The following PTPRN2 variants were observed in gnomAD, a reference collection of about 807,000 sequenced individuals.
PTPRN2 encodes protein tyrosine phosphatase receptor type N2.
In PTPRN2, 74 loss-of-function variants were observed where a neutral mutation model predicts 118.8. The observed-to-expected ratio is 0.62, with a 90% CI of 0.52 to 0.76. PTPRN2 has a LOEUF of 0.76. PTPRN2 is among the 30% of genes least tolerant of loss of function. The pLI is 0.00. For synonymous variants in PTPRN2, 641 were observed against 608.0 expected, an observed-to-expected ratio of 1.05 and a Z score of -0.80; for missense variants, 1,481 against 1,394.4, an observed-to-expected ratio of 1.06 and a Z score of -0.99.
At chr7:158,290,395 A>C (rs1285157917) in intron 3 of PTPRN2, among the ~76,000 whole-genome samples, 1 of 151,998 alleles carries the variant, frequency 6.6e-6, no homozygotes, top group Non-Finnish European at 1.5e-5. Context: ...CTGGTGCCAG[A>C]GATGATGTGG....
chr7:158,562,778 C>T (rs1827466179), intron 1 of PTPRN2, among the ~76,000 whole-genome samples: 1 of 152,198 alleles, frequency 6.6e-6, no homozygotes, highest in African/African-American at 2.4e-5. Flanking sequence ...TACGTGAAGC[C>T]TTGCCACGTC....
Position 158,326,391 on chromosome 7 carries a change from T to G in PTPRN2, c.164-9459A>C, listed in dbSNP as rs535124812. On this transcript the variant is annotated intron_variant, in intron 2 of 22. Coordinates refer to ENST00000389418, the MANE Select transcript of PTPRN2 (RefSeq NM_002847.5). ...CAGTGGCAGACTCAGTCGGCCAGTG[T>G]GAGGGGCCAGGAGACGAGACACTGC... is the stretch of plus-strand genomic sequence containing the variant. 2.7e-3 allele frequency among the ~76,000 whole-genome samples: 407 copies of G among 152,274 alleles called. 1 individual carries two copies. Among genetic ancestry groups the G allele is most frequent in the African/African-American group, 9.1e-3 (380 of 41,550 alleles).
intron 11 of PTPRN2, among the ~76,000 whole-genome samples, chr7:158,077,110 GC>G (rs1211728078): frequency 6.6e-6 from 1 of 152,200 alleles, no homozygotes; most frequent in Non-Finnish European, 1.5e-5. Context: ...CAGCAGAGAG[GC>G]CTGTGACTAA....
At chr7:158,240,621 G>T (rs1207348876) in intron 3 of PTPRN2, among the ~76,000 whole-genome samples, 1 of 152,142 alleles carries the variant, frequency 6.6e-6, no homozygotes, top group Non-Finnish European at 1.5e-5. Flanking sequence ...TAGAGACAGG[G>T]TTTCACCATG....
intron 11 of PTPRN2, among the ~76,000 whole-genome samples, chr7:158,012,303 C>T (rs1204248733): frequency 2.0e-5 from 3 of 151,920 alleles, no homozygotes; most frequent in East Asian, 1.9e-4. Context: ...ATAGATGACA[C>T]GACGCTGGCT....
At chr7:157,940,444 C>A (rs560108720) in intron 11 of PTPRN2, among the ~76,000 whole-genome samples, 18 of 151,960 alleles carry the variant, frequency 1.2e-4, no homozygotes, top group Non-Finnish European at 1.5e-5. Flanking sequence ...CTAATGCCCT[C>A]CCCTGTGACA....
At chr7:158,472,122 T>A (rs996758832) in intron 2 of PTPRN2, among the ~76,000 whole-genome samples, 1 of 152,156 alleles carries the variant, frequency 6.6e-6, no homozygotes, top group Non-Finnish European at 1.5e-5. Context: ...ACGTGACCAT[T>A]TCCTCTCTTT....
chr7:158,050,940 G>A (rs945211377), intron 11 of PTPRN2, among the ~76,000 whole-genome samples: 2 of 152,230 alleles, frequency 1.3e-5, no homozygotes, highest in African/African-American at 2.4e-5. Flanking sequence ...CAGGAGTGAG[G>A]AGCACTGAGA....
chr7:158,203,624 C>T (rs2150741164), intron 4 of PTPRN2, among the ~76,000 whole-genome samples: 1 of 152,144 alleles, frequency 6.6e-6, no homozygotes, highest in South Asian at 2.1e-4. Context: ...GGAGCCATCC[C>T]TTGCTTGGTT....
intron 1 of PTPRN2, among the ~76,000 whole-genome samples, chr7:158,512,738 C>T (rs1268929385): frequency 6.6e-6 from 1 of 152,102 alleles, no homozygotes; most frequent in East Asian, 1.9e-4. Context: ...ACAGGAAATA[C>T]ACAAGATGAG....
chr7:158,312,508 CCA>C (rs1339744327), intron 3 of PTPRN2, among the ~76,000 whole-genome samples: 12 of 144,466 alleles, frequency 8.3e-5, no homozygotes, highest in Middle Eastern at 3.8e-3. Context: ...GTGTAGACAC[CCA>C]CACACACGCA....
intron 1 of PTPRN2, 105 bp from the exon 2 acceptor site, chr7:158,489,890 C>T (rs1821317780): frequency 9.3e-7 from 1 of 1,079,030 alleles, no homozygotes; most frequent in Non-Finnish European, 1.3e-6. Context: ...AACCGCCGGT[C>T]AAGCAGGCTC....
At chr7:158,330,566 C>T (rs1305532213) in intron 2 of PTPRN2, among the ~76,000 whole-genome samples, 2 of 47,278 alleles carry the variant, frequency 4.2e-5, no homozygotes, top group Non-Finnish European at 9.5e-5. Flanking sequence ...CACACCCACA[C>T]TCTCACCCTA....
intron 3 of PTPRN2, among the ~76,000 whole-genome samples, chr7:158,312,577 A>C (rs1432818528): frequency 6.7e-6 from 1 of 150,214 alleles, no homozygotes; most frequent in African/African-American, 2.5e-5. Context: ...AAACCTCCCT[A>C]CTCAAACACT....
chr7:158,290,051 C>A (rs928658162), intron 3 of PTPRN2, among the ~76,000 whole-genome samples: 4 of 152,134 alleles, frequency 2.6e-5, no homozygotes, highest in African/African-American at 4.8e-5. Flanking sequence ...AGGCCATATA[C>A]CTGAGTCTGA....
chr7:157,543,062 G>A (rs1425645961), intron 22 of PTPRN2, among the ~76,000 whole-genome samples: 23 of 152,146 alleles, frequency 1.5e-4, no homozygotes, highest in Admixed American at 1.5e-3. Flanking sequence ...CTAGATCCCG[G>A]GTAGGCTGGG....
At chr7:157,827,249 T>G (rs10224464) in intron 12 of PTPRN2, among the ~76,000 whole-genome samples, 1,844 of 152,296 alleles carry the variant, frequency 0.012, 40 homozygotes, top group African/African-American at 0.042. Context: ...TCTAGAGCTT[T>G]TCGACAACAC....
At chr7:158,145,120 C>G (rs1421779252) in intron 6 of PTPRN2, among the ~76,000 whole-genome samples, 2 of 149,834 alleles carry the variant, frequency 1.3e-5, no homozygotes, top group African/African-American at 4.9e-5. Flanking sequence ...CTCACATCAT[C>G]GCGAGAAGGT....
In PTPRN2 at chr7:158,545,686, C is replaced by G. The variant is rs193280135; in HGVS notation, c.112+41872G>C. Among the ~76,000 whole-genome samples, 142 of 152,342 alleles carry G rather than the reference C, an allele frequency of 9.3e-4. 1 individual carries two copies. The Middle Eastern group carries it at 0.014, about 15-fold the overall frequency. On this transcript the variant is annotated intron_variant, in intron 1 of 22. Coordinates refer to ENST00000389418, the MANE Select transcript of PTPRN2 (RefSeq NM_002847.5). ...GGAGTTGCTGTCACCCCCAGCAATC[C>G]TGTCCCTGTTTCCTTCAAAATTTCA... is the stretch of plus-strand genomic sequence containing the variant.
Sources: allele counts gnomAD v4.1 joint callset (sites outside exome capture counted in the v4.1 genomes callset), GRCh38; gene constraint gnomAD v4.1.1; transcripts MANE v1.5; gene names NCBI Gene and HGNC (gene_info 2026-07-23, HGNC 2026-07-21).